Variants in DRC8 observed in about 807,000 individuals in gnomAD.
DRC8 encodes the protein dynein regulatory complex protein 8.
At chr1:245,092,476 A>C in the DRC8 span, among the ~76,000 whole-genome samples, 50 of 152,286 alleles carry the variant, frequency 3.3e-4, no homozygotes, top group South Asian at 1.0e-3. Context: ...GGCTGCTTAA[A>C]TAAACGGAGA....
At chr1:245,026,761 T>A in the DRC8 span, among the ~76,000 whole-genome samples, 6 of 152,292 alleles carry the variant, frequency 3.9e-5, no homozygotes, top group East Asian at 7.7e-4. Flanking sequence ...ACGTTGAATT[T>A]AAAAAATTAC....
At chr1:245,104,294 A>G in the DRC8 span, among the ~76,000 whole-genome samples, 9 of 151,902 alleles carry the variant, frequency 5.9e-5, no homozygotes, top group African/African-American at 1.9e-4. Context: ...ACCTGAGGTT[A>G]GGAGTTTGAG....
At chr1:245,086,717 C>A in the DRC8 span, 10 of 533,104 alleles carry the variant, frequency 1.9e-5, no homozygotes, top group Middle Eastern at 9.6e-4. Context: ...ATTCTCATGA[C>A]AACCCTATGT....
chr1:245,118,221 C>T, the DRC8 span, among the ~76,000 whole-genome samples: 1 of 152,100 alleles, frequency 6.6e-6, no homozygotes, highest in Non-Finnish European at 1.5e-5. Context: ...AAACCCTGGC[C>T]CTAGGGTGCA....
At chr1:245,114,851 G>A in the DRC8 span, among the ~76,000 whole-genome samples, 22 of 151,310 alleles carry the variant, frequency 1.5e-4, no homozygotes, top group African/African-American at 5.1e-4. Flanking sequence ...TCAGCCTCCC[G>A]AGTAGCTGGG....
At chr1:245,058,450 A>G in the DRC8 span, among the ~76,000 whole-genome samples, 1 of 152,110 alleles carries the variant, frequency 6.6e-6, no homozygotes, top group Non-Finnish European at 1.5e-5. Flanking sequence ...TTATTCTGCA[A>G]CCTCTTTCAG....
At chr1:244,969,957 A>G in the DRC8 span, 65 of 508,570 alleles carry the variant, frequency 1.3e-4, no homozygotes, top group East Asian at 7.1e-5. Flanking sequence ...CTCTTCACCT[A>G]GCTCTCCGGC....
the DRC8 span, among the ~76,000 whole-genome samples, chr1:245,002,548 A>G: frequency 1.3e-5 from 2 of 151,968 alleles, no homozygotes; most frequent in Admixed American, 6.6e-5. Context: ...TCTTTCCAAC[A>G]TGTTCTTGTT....
chr1:245,047,170 T>C, the DRC8 span, among the ~76,000 whole-genome samples: 1 of 152,204 alleles, frequency 6.6e-6, no homozygotes, highest in East Asian at 1.9e-4. Flanking sequence ...TGATCTCCCC[T>C]ACCGTTGAAA....
chr1:245,111,008 T>A, the DRC8 span, among the ~76,000 whole-genome samples: 5 of 152,086 alleles, frequency 3.3e-5, no homozygotes, highest in African/African-American at 1.2e-4. Flanking sequence ...AAAAAATAAA[T>A]TTTTTAATTA....
the DRC8 span, chr1:245,124,007 C>G: frequency 1.3e-5 from 2 of 152,748 alleles, no homozygotes; most frequent in African/African-American, 4.8e-5. Flanking sequence ...TTCCTGGGCT[C>G]AAGTGATCCT....
chr1:245,101,322 A>G, the DRC8 span, among the ~76,000 whole-genome samples: 97 of 152,232 alleles, frequency 6.4e-4, no homozygotes, highest in Non-Finnish European at 1.1e-3. Flanking sequence ...TGCTGGTTGC[A>G]TCATCATGGT....
the DRC8 span, among the ~76,000 whole-genome samples, chr1:245,099,749 A>G: frequency 6.6e-6 from 1 of 152,238 alleles, no homozygotes; most frequent in Non-Finnish European, 1.5e-5. Context: ...TTAACAGCAG[A>G]AGGAAAAAAC....
chr1:245,077,641 A>G, the DRC8 span, among the ~76,000 whole-genome samples: 2 of 152,232 alleles, frequency 1.3e-5, no homozygotes, highest in East Asian at 1.9e-4. Flanking sequence ...AGTGTCTTCA[A>G]TGAATGATGA....
chr1:244,985,708 A>C, the DRC8 span, among the ~76,000 whole-genome samples: 3 of 151,672 alleles, frequency 2.0e-5, no homozygotes, highest in Admixed American at 2.0e-4. Flanking sequence ...CTACTAAAAT[A>C]CAAAAATTAG....
the DRC8 span, chr1:244,969,924 C>G: frequency 2.2e-6 from 1 of 450,140 alleles, no homozygotes. Context: ...CGGGCTGGTT[C>G]TATCACCCCC....
At chr1:245,072,150 T>C in the DRC8 span, among the ~76,000 whole-genome samples, 1 of 152,218 alleles carries the variant, frequency 6.6e-6, no homozygotes, top group Non-Finnish European at 1.5e-5. Flanking sequence ...TCATTCATAA[T>C]TGGCAAAACT....
chr1:245,097,527 A>AAAAG, the DRC8 span, among the ~76,000 whole-genome samples: 1 of 149,940 alleles, frequency 6.7e-6, no homozygotes, highest in African/African-American at 2.5e-5. This position sits in a 1 kb window ranked among gnomAD's most constrained non-coding sequence, Gnocchi z 5.0. Context: ...CAAAAAAAAA[A>AAAAG]AAAGAAAGAA....
At chr1:245,042,319 A>G in the DRC8 span, among the ~76,000 whole-genome samples, 2 of 152,228 alleles carry the variant, frequency 1.3e-5, no homozygotes, top group Admixed American at 6.5e-5. Flanking sequence ...AGCACATAGG[A>G]CTATATAAGA....
Sources: gnomAD v4.1 joint callset for allele counts (sites outside exome capture counted in the v4.1 genomes callset) on GRCh38, gnomAD v4.1.1 for gene constraint, Gnocchi (gnomAD v3.1) non-coding constraint, MANE v1.5 for transcripts, NCBI Gene and HGNC (gene_info 2026-07-23, HGNC 2026-07-21) for gene names.